The following ADAMTSL1 variants were observed in gnomAD, a reference collection of about 807,000 sequenced individuals.
ADAMTSL1 encodes ADAMTS like 1, also known as ADAMTS-like protein 1.
Under a neutral mutation model 201.8 loss-of-function variants are expected in ADAMTSL1, and 126 were observed. The ratio of observed to expected loss-of-function variants is 0.62; its 90% CI spans 0.54 to 0.72. ADAMTSL1 has a LOEUF of 0.72. Ranked by LOEUF, ADAMTSL1 falls within the 30% of genes least tolerant of loss-of-function variation. ADAMTSL1 has a pLI of 0.00. For missense variants in ADAMTSL1, 2,679 were observed against 2,277.8 expected (o/e 1.18, Z -3.59); for synonymous variants, 1,121 against 903.4 (o/e 1.24, Z -4.32).
rs558033202 is a variant in ADAMTSL1 at position 18,580,039 on chromosome 9, G to A, written c.474+5773G>A. On this transcript the variant is annotated intron_variant, in intron 4 of 28. Transcript: ENST00000380548. ...TAATAGAATTCATCAGATGATACCT[G>A]ATATATGTCAAAAGAAAAAGTATGA... 6.6e-5 allele frequency among the ~76,000 whole-genome samples: 10 copies of A among 152,202 alleles called. No individual in the cohort carries two copies. In the South Asian group the frequency reaches 1.9e-3, roughly 28 times the overall value.
intron 1 of ADAMTSL1, among the ~76,000 whole-genome samples, chr9:17,979,526 ATTT>A (rs35573329): frequency 2.0e-5 from 3 of 146,346 alleles, no homozygotes; most frequent in Admixed American, 6.8e-5. Flanking sequence ...TCAGCCATGG[ATTT>A]TTTTTTTTTT....
At chr9:18,807,645 C>CAAAAAA (rs1179713904) in intron 20 of ADAMTSL1, among the ~76,000 whole-genome samples, 7 of 68,612 alleles carry the variant, frequency 1.0e-4, no homozygotes, top group Admixed American at 1.8e-4. Flanking sequence ...GACTCTGTCT[C>CAAAAAA]AAAAAAAAAA....
intron 1 of ADAMTSL1, among the ~76,000 whole-genome samples, chr9:18,056,617 TTAGA>T (rs1407464339): frequency 6.6e-6 from 1 of 152,130 alleles, no homozygotes; most frequent in African/African-American, 2.4e-5. Context: ...AAAAAGAGAC[TTAGA>T]TAGTTGAAAA....
At chr9:18,160,097 G>C (rs1314337692) in intron 1 of ADAMTSL1, among the ~76,000 whole-genome samples, 4 of 151,934 alleles carry the variant, frequency 2.6e-5, no homozygotes, top group Non-Finnish European at 4.4e-5. Flanking sequence ...ATGACTTCCT[G>C]GATCTAATAC....
chr9:17,969,030 T>G (rs1212114035), intron 1 of ADAMTSL1, among the ~76,000 whole-genome samples: 1 of 152,042 alleles, frequency 6.6e-6, no homozygotes, highest in East Asian at 1.9e-4. Context: ...GATAAAAATT[T>G]CCTCCTCTCA....
chr9:18,804,807 T>C (rs1315724663), intron 20 of ADAMTSL1, among the ~76,000 whole-genome samples: 2 of 152,232 alleles, frequency 1.3e-5, no homozygotes, highest in African/African-American at 2.4e-5. Context: ...GTGACAATTC[T>C]AGTATAAGCA....
At chr9:18,901,896 C>G (rs1805053598) in intron 26 of ADAMTSL1, among the ~76,000 whole-genome samples, 1 of 152,226 alleles carries the variant, frequency 6.6e-6, no homozygotes, top group East Asian at 1.9e-4. Flanking sequence ...TGATTCAACT[C>G]TATGCTGTCT....
chr9:17,926,087 G>A (rs1026411510), intron 1 of ADAMTSL1, among the ~76,000 whole-genome samples: 1 of 151,972 alleles, frequency 6.6e-6, no homozygotes, highest in Non-Finnish European at 1.5e-5. Context: ...TGACTCATGC[G>A]GTCTGTGATG....
intron 6 of ADAMTSL1, among the ~76,000 whole-genome samples, chr9:18,638,660 G>A (rs1351310438): frequency 6.6e-6 from 1 of 152,034 alleles, no homozygotes; most frequent in Non-Finnish European, 1.5e-5. Context: ...TATGCATAAA[G>A]CTGAACTAAG....
intron 2 of ADAMTSL1, among the ~76,000 whole-genome samples, chr9:18,229,348 G>A (rs1478651112): frequency 6.6e-6 from 1 of 152,032 alleles, no homozygotes; most frequent in Non-Finnish European, 1.5e-5. Flanking sequence ...AGGCCAAAGG[G>A]ACATGATTAT....
chr9:18,759,712 A>G (rs986291556), intron 16 of ADAMTSL1, among the ~76,000 whole-genome samples: 2 of 152,190 alleles, frequency 1.3e-5, no homozygotes, highest in Admixed American at 6.5e-5. Context: ...TCTTTGGCAT[A>G]ATTGCCCTGA....
At chr9:18,427,557 A>C (rs1819282607) in intron 2 of ADAMTSL1, among the ~76,000 whole-genome samples, 1 of 152,248 alleles carries the variant, frequency 6.6e-6, no homozygotes, top group Non-Finnish European at 1.5e-5. Flanking sequence ...ATTTTCTGCA[A>C]CTTGTCTAAG....
intron 23 of ADAMTSL1, among the ~76,000 whole-genome samples, chr9:18,855,293 C>G (rs1826771942): frequency 6.6e-6 from 1 of 152,190 alleles, no homozygotes; most frequent in African/African-American, 2.4e-5. Flanking sequence ...TAACTGTTTT[C>G]ATGAGCATTC....
At chr9:18,309,545 GACAA>G (rs1232398930) in intron 2 of ADAMTSL1, among the ~76,000 whole-genome samples, 6 of 151,986 alleles carry the variant, frequency 3.9e-5, no homozygotes, top group Admixed American at 1.3e-4. Context: ...AGCAATAATA[GACAA>G]ACAGAGAGCC....
chr9:18,095,179 G>C (rs188862977), intron 1 of ADAMTSL1, among the ~76,000 whole-genome samples: 59 of 152,062 alleles, frequency 3.9e-4, no homozygotes, highest in Non-Finnish European at 4.9e-4. Context: ...AGATGCCCAG[G>C]GGAAGTCATC....
Position 18,726,988 on chromosome 9 carries a change from GGA to G in ADAMTSL1, c.2006+5329_2006+5330del, listed in dbSNP as rs565980080. Among the ~76,000 whole-genome samples, 15 of 152,290 alleles carry G rather than the reference GGA, an allele frequency of 9.8e-5. No homozygotes were observed. The South Asian group carries it at 3.1e-3, about 32-fold the overall frequency. The stretch of plus-strand genomic sequence containing the variant: ...GAAGCTTGAGAATCCCTGTTTGAAA[GGA>G]GAGAGTTAAGAAACACGTCTGAAAG... On this transcript the variant is annotated intron_variant, in intron 15 of 28. Coordinates refer to ENST00000380548, the MANE Select transcript of ADAMTSL1 (RefSeq NM_001040272.6).
intron 26 of ADAMTSL1, among the ~76,000 whole-genome samples, chr9:18,893,449 CCCT>C (rs1339620208): frequency 2.0e-5 from 3 of 152,158 alleles, no homozygotes; most frequent in African/African-American, 7.2e-5. Context: ...AAAATTCACC[CCCT>C]CCTCCTCTTT....
chr9:18,444,333 A>G (rs746879439), intron 2 of ADAMTSL1, among the ~76,000 whole-genome samples: 62 of 152,252 alleles, frequency 4.1e-4, no homozygotes, highest in Non-Finnish European at 4.6e-4. Context: ...TATTCCTTTT[A>G]TGGATGAGGC....
At chr9:18,510,268 A>C (rs1413337236) in intron 2 of ADAMTSL1, among the ~76,000 whole-genome samples, 1 of 152,192 alleles carries the variant, frequency 6.6e-6, no homozygotes, top group Non-Finnish European at 1.5e-5. Context: ...TCTGGAGTTA[A>C]TTTTGTTCCC....
Sources: allele counts gnomAD v4.1 joint callset (sites outside exome capture counted in the v4.1 genomes callset), GRCh38; gene constraint gnomAD v4.1.1; transcripts MANE v1.5; gene names NCBI Gene and HGNC (gene_info 2026-07-23, HGNC 2026-07-21).